The following GON4L variants were observed in gnomAD, a reference collection of about 807,000 sequenced individuals.
The protein encoded by GON4L is GON-4-like protein.
Under a neutral mutation model 211.8 loss-of-function variants are expected in GON4L, and 87 were observed. The observed-to-expected ratio is 0.41, with a 90% confidence interval of 0.35 to 0.49. The LOEUF (loss-of-function observed/expected upper bound fraction) is 0.49. Among genes scored for constraint, GON4L ranks in the 20% least tolerant of loss-of-function variants. The probability of loss-of-function intolerance (pLI) is 0.15; values close to 1 mark genes in which losing one functional copy is unlikely to be tolerated. For missense variants in GON4L, 2,155 were observed against 2,659.5 expected, an observed-to-expected ratio of 0.81 and a Z score of 4.17; for synonymous variants, 875 against 962.6, an observed-to-expected ratio of 0.91 and a Z score of 1.68.
In GON4L at chr1:155,829,238, T is replaced by G. The variant is rs182840486; in HGVS notation, c.506-2210A>C. ...CTAATTTCCACTTATGCTTCTCCTTTCTTTGCCTCCTAAAAGTGAGTAGCA... is the reference window on the plus strand; with the variant it reads ...CTAATTTCCACTTATGCTTCTCCTTGCTTTGCCTCCTAAAAGTGAGTAGCA... On this transcript the variant is annotated intron_variant, in intron 2 of 31. Coordinates refer to ENST00000368331, the MANE Select transcript of GON4L (RefSeq NM_001282860.2). 3.3e-5 allele frequency among the ~76,000 whole-genome samples: 5 copies of G among 152,312 alleles called. No homozygotes were observed. The East Asian group carries it at 9.6e-4, about 29-fold the overall frequency.
At position 155,780,913 on chromosome 1, in the gene GON4L, T is replaced by C. The variant is rs571970480; in HGVS notation, c.1892+3073A>G. The stretch of plus-strand genomic sequence containing the variant: ...GTTAATTTTTAAAAGTTATCATTTA[T>C]CTATTGGGGATAAAAATCATTCTTT... On this transcript the variant is annotated intron_variant, in intron 14 of 31. Transcript: ENST00000368331. 3.9e-5 allele frequency among the ~76,000 whole-genome samples: 6 copies of C among 152,218 alleles called. No homozygotes were observed. The South Asian group carries it at 1.2e-3, about 32-fold the overall frequency.
chr1:155,761,047 A>G (rs1033398878), intron 23 of GON4L, among the ~76,000 whole-genome samples: 2 of 152,128 alleles, frequency 1.3e-5, no homozygotes, highest in African/African-American at 4.8e-5. Flanking sequence ...AAACATTAGG[A>G]GATAAGAAAA....
chr1:155,750,057 C>T lies in GON4L; in HGVS notation c.*527G>A. The T allele has an allele frequency of 9.0e-7, 1 of 1,109,270 alleles. No individual in the cohort carries two copies. Among genetic ancestry groups the T allele is most frequent in the Non-Finnish European group, 1.3e-6 (1 of 769,416 alleles). 68.7% of individuals were successfully genotyped at this position (1,109,270 alleles called of 1,614,324 possible). Reference sequence around the variant, plus strand: ...CAGCTTCATGGATGCTGGAGTGGAGCACGATGACGTAGCAGAGCTGCTGCA... The same window carrying T: ...CAGCTTCATGGATGCTGGAGTGGAGTACGATGACGTAGCAGAGCTGCTGCA... On this transcript the variant is annotated 3_prime_UTR_variant, in exon 32 of 32. Transcript: ENST00000368331.
intron 14 of GON4L, among the ~76,000 whole-genome samples, chr1:155,780,438 C>T (rs768968516): frequency 1.3e-5 from 2 of 151,648 alleles, no homozygotes; most frequent in East Asian, 2.0e-4. Flanking sequence ...TGAAAAAATA[C>T]GAAAATTAGC....
At chr1:155,801,076 G>C (rs1287725979) in intron 11 of GON4L, among the ~76,000 whole-genome samples, 1 of 97,500 alleles carries the variant, frequency 1.0e-5, no homozygotes, top group African/African-American at 4.1e-5. Flanking sequence ...TGGAAACTTT[G>C]TTCTTTAACT....
downstream of GON4L, chr1:155,747,020 T>C: frequency 6.9e-6 from 11 of 1,600,870 alleles, no homozygotes; most frequent in Non-Finnish European, 9.4e-6. Flanking sequence ...TGCGACTCGG[T>C]GAACAGAAAG....
chr1:155,769,168 G>A (rs991554828), intron 19 of GON4L, among the ~76,000 whole-genome samples: 1 of 151,838 alleles, frequency 6.6e-6, no homozygotes, highest in Non-Finnish European at 1.5e-5. Flanking sequence ...TAGAGACGGG[G>A]TTTCACCATA....
rs769104870 is a variant in GON4L, at chr1:155,751,960, C to G, written c.6473G>C (p.Arg2158Thr). ...STGEKVVLWT[R>T]EADRVILTMC... ...ACACACGTCATCCACCCTTACCTAC[C>G]TTGTCCACAGGACAACCTTTTCCCC... is the stretch of plus-strand genomic sequence containing the variant. The change falls in exon 30 of 32, where the codon AGG becomes ACG. Residue 2158 changes from arginine (R) to threonine (T), a missense_variant and splice_region_variant. Arg to Thr is a moderately conservative substitution (Grantham distance 71, BLOSUM62 -1). Coordinates refer to ENST00000368331, the MANE Select transcript of GON4L (RefSeq NM_001282860.2). 6.2e-7 allele frequency: 1 copy of G among 1,611,966 alleles called. No homozygotes were observed. The highest frequency in any genetic ancestry group is 8.5e-7 in the Non-Finnish European group (1 of 1,178,348).
chr1:155,750,698 G>A lies in GON4L; in HGVS notation c.6612C>T (p.Phe2204=), dbSNP rs375246265. 4.0e-5 allele frequency: 64 copies of A among 1,586,198 alleles called. No homozygotes were observed. The highest frequency in any genetic ancestry group is 5.1e-5 in the Non-Finnish European group (59 of 1,166,628). The change falls in exon 32 of 32, where the codon TTC becomes TTT. Residue 2204 remains phenylalanine, a synonymous_variant. Transcript: ENST00000368331. ...SHRFRELMQL[F]HTACEASSED... ...CAGAGCTGGCTTCACAGGCAGTGTG[G>A]AAGAGCTGCATGAGTTCTCGAAAAC...
chr1:155,769,657 C>T (rs1050213403), intron 19 of GON4L, among the ~76,000 whole-genome samples: 11 of 151,950 alleles, frequency 7.2e-5, no homozygotes, highest in African/African-American at 2.2e-4. Context: ...CCTAAAAATG[C>T]GATTATTTAC....
Position 155,757,304 on chromosome 1 carries a change from T to G in GON4L, c.5273A>C (p.Gln1758Pro). The G allele has an allele frequency of 6.2e-7, 1 of 1,613,818 alleles. No homozygotes were observed. The highest frequency in any genetic ancestry group is 8.5e-7 in the Non-Finnish European group (1 of 1,179,850). The change falls in exon 26 of 32, where the codon CAG becomes CCG. Residue 1758 changes from glutamine (Q) to proline (P), a missense_variant. Around this residue, in one of 6 missense-constraint regions of GON4L, gnomAD observed 455 missense variants for 504.6 expected, o/e 0.90. Coordinates refer to ENST00000368331, the MANE Select transcript of GON4L (RefSeq NM_001282860.2). ...CAGGTGGTCGTGGCCCTTGAGGAGC[T>G]GCCACATCTGTGTCTTGAGCTGAGG... is the stretch of plus-strand genomic sequence containing the variant. ...EITELKTQMW[Q>P]LLKGHDHLQD...
chr1:155,748,024 C>T, downstream of GON4L: 8 of 1,608,024 alleles, frequency 5.0e-6, no homozygotes, highest in East Asian at 2.2e-5. Flanking sequence ...CTTTTGGTCT[C>T]GTGCACCTGA....
At chr1:155,767,616 T>C (rs1459906822) in intron 19 of GON4L, 75 bp from the exon 20 acceptor site, 2 of 1,504,846 alleles carry the variant, frequency 1.3e-6, no homozygotes, top group Admixed American at 3.6e-5. Context: ...GTGAATGGGG[T>C]GGTGGTGGAT....
In GON4L at chr1:155,765,703, A is replaced by C. The variant is rs1662384002; in HGVS notation, c.3770T>G (p.Leu1257Arg). 2 of 1,614,056 alleles carry C rather than the reference A, an allele frequency of 1.2e-6. No individual in the cohort carries two copies. The highest frequency in any genetic ancestry group is 1.3e-5 in the African/African-American group (1 of 74,922). Residue 1257 changes from leucine (L) to arginine (R), a missense_variant, in exon 21 of 32, where the codon CTC becomes CGC. This residue lies in a region of GON4L where 615 missense variants were observed against 625.7 expected (regional missense o/e 0.98). Transcript: ENST00000368331. ...CACTTTCGGGAAAACAGTAGCAGAG[A>C]GAGGAGATAGTTCCTGGGGCTCTAA... ...PKLEPQELSPLSATVFPKVEH... is the reference protein window; with the variant it reads ...PKLEPQELSPRSATVFPKVEH...
Position 155,777,735 on chromosome 1 carries a change from A to G in GON4L, c.1978T>C (p.Ser660Pro), listed in dbSNP as rs779758607. ...LFEQLKMKKSSAKQLQEVEKV... is the reference protein window; with the variant it reads ...LFEQLKMKKSPAKQLQEVEKV... ...TCTACTTCCTGCAGCTGTTTGGCTG[A>G]AGATTTCTTCATCTTCAGCTGTTCA... The change falls in exon 15 of 32, where the codon TCA becomes CCA. Residue 660 changes from serine (S) to proline (P), a missense_variant. Ser to Pro is a moderately conservative substitution (Grantham distance 74). Transcript: ENST00000368331. 6.2e-7 allele frequency: 1 copy of G among 1,612,736 alleles called. No individual in the cohort carries two copies. Among genetic ancestry groups the G allele is most frequent in the Non-Finnish European group, 8.5e-7 (1 of 1,178,766 alleles).
At chr1:155,816,980 GA>G (rs748476837) in intron 6 of GON4L, among the ~76,000 whole-genome samples, 2 of 151,922 alleles carry the variant, frequency 1.3e-5, no homozygotes, top group Non-Finnish European at 2.9e-5. Context: ...GAGCTAGGGG[GA>G]AAGTTTTTCT....
intron 2 of GON4L, among the ~76,000 whole-genome samples, chr1:155,851,384 A>G (rs1022444677): frequency 2.7e-5 from 4 of 150,144 alleles, no homozygotes; most frequent in African/African-American, 9.8e-5. Flanking sequence ...ACCTACCTAC[A>G]GGAAAAGCTC....
intron 2 of GON4L, among the ~76,000 whole-genome samples, chr1:155,834,371 T>C (rs1486393751): frequency 3.3e-5 from 5 of 152,186 alleles, no homozygotes; most frequent in African/African-American, 7.2e-5. Context: ...CAAGGCAAGG[T>C]TGTCTTCAAT....
chr1:155,786,961 G>A (rs1020556932), intron 12 of GON4L, among the ~76,000 whole-genome samples: 5 of 150,802 alleles, frequency 3.3e-5, no homozygotes, highest in Non-Finnish European at 4.4e-5. Flanking sequence ...TTGCTCTGTC[G>A]CCCAGGCTGG....
Sources: gnomAD v4.1 joint callset for allele counts (sites outside exome capture counted in the v4.1 genomes callset) on GRCh38, gnomAD v4.1.1 for gene constraint, gnomAD v4.1.1 regional missense constraint, MANE v1.5 for transcripts, NCBI Gene and HGNC (gene_info 2026-07-23, HGNC 2026-07-21) for gene names.